The following MPPE1 variants were observed in gnomAD, a reference collection of about 807,000 sequenced individuals.
The protein encoded by MPPE1 is metallo phosphoesterase.
Under a neutral mutation model 43.8 loss-of-function variants are expected in MPPE1, and 28 were observed. That is an observed-to-expected ratio of 0.64 (90% CI 0.47 to 0.88). The LOEUF is 0.88. Among genes scored for constraint, MPPE1 ranks in the 40% least tolerant of loss-of-function variants. The pLI is 0.00. For missense variants in MPPE1, 428 were observed against 492.2 expected, an observed-to-expected ratio of 0.87 and a Z score of 1.23; for synonymous variants, 159 against 188.5, an observed-to-expected ratio of 0.84 and a Z score of 1.28.
rs34314512 is a variant in MPPE1 at position 11,886,304 on chromosome 18, GA to G, written c.867+194del. 0.084 allele frequency: 40,599 copies of G among 480,566 alleles called. 1 individual carries two copies. Among genetic ancestry groups the G allele is most frequent in the South Asian group, 0.12 (3,951 of 31,968 alleles). The allele number at this position is 480,566 out of a possible 1,614,324, so 29.8% of individuals were successfully genotyped here. On this transcript the variant is annotated intron_variant, in intron 9 of 10. Coordinates refer to ENST00000588072, the MANE Select transcript of MPPE1 (RefSeq NM_023075.6). This position sits in a 1 kb window ranked among gnomAD's most constrained non-coding sequence, Gnocchi z 4.1. ...GTAGGAAACAGAAGTAGGTTTACTG[GA>G]AAAAAAAAAAGCGATTAAATGAAAA... is the stretch of plus-strand genomic sequence containing the variant.
rs1392476399 is a variant in MPPE1 at position 11,884,612 on chromosome 18, T to C, written c.1024A>G (p.Thr342Ala). The change falls in exon 11 of 11, where the codon ACA becomes GCA. Residue 342 changes from threonine (T) to alanine (A), a missense_variant. Physicochemically the swap from Thr to Ala is moderately conservative, Grantham distance 58 (BLOSUM62 0). Coordinates refer to ENST00000588072, the MANE Select transcript of MPPE1 (RefSeq NM_023075.6). ...TAGCACTTGGAGAGGGTGTAGTCTGTGGGCGTGATGCTACCCTGGAAAGGA... is the reference window on the plus strand; with the variant it reads ...TAGCACTTGGAGAGGGTGTAGTCTGCGGGCGTGATGCTACCCTGGAAAGGA... ...PSFIMGSITP[T>A]DYTLSKCYLP... The C allele has an allele frequency of 6.2e-7, 1 of 1,613,448 alleles. No individual in the cohort carries two copies. The highest frequency in any genetic ancestry group is 1.1e-5 in the South Asian group (1 of 91,064).
In MPPE1 at chr18:11,884,424, ATT is replaced by A; in HGVS notation, c.*19_*20del. ...AAAGTTCCATTTCTTGGGCTTTGAT[ATT>A]TATAATGGCGCCTGCTCTTCATCTT... On this transcript the variant is annotated 3_prime_UTR_variant, in exon 11 of 11. Coordinates refer to ENST00000588072, the MANE Select transcript of MPPE1 (RefSeq NM_023075.6). 6.2e-7 allele frequency: 1 copy of A among 1,607,956 alleles called. No homozygotes were observed. The highest frequency in any genetic ancestry group is 8.5e-7 in the Non-Finnish European group (1 of 1,175,900).
At chr18:11,888,389 C>T (rs1008956834) in intron 6 of MPPE1, among the ~76,000 whole-genome samples, 9 of 152,146 alleles carry the variant, frequency 5.9e-5, no homozygotes, top group Non-Finnish European at 1.2e-4. Context: ...AGAGACAGTG[C>T]AGACAGAAAG....
At chr18:11,895,776 G>C (rs76471311) in intron 3 of MPPE1, among the ~76,000 whole-genome samples, 7,670 of 152,128 alleles carry the variant, frequency 0.05, 356 homozygotes, top group African/African-American at 0.13. Context: ...CGTTGCCCAG[G>C]CTGGTCTCAA....
rs1469334125 is a variant in MPPE1, at chr18:11,886,936, C to G, written c.659G>C (p.Arg220Thr). ...TEAELIEVSHRLNCSREARGS... is the reference protein window; with the variant it reads ...TEAELIEVSHTLNCSREARGS... The stretch of plus-strand genomic sequence containing the variant: ...TCCTACCTCTCGGGAGCAGTTCAGT[C>G]TGTGAGAAACTTCAATGAGCTCTGC... Residue 220 changes from arginine to threonine, a missense_variant, in exon 7 of 11, where the codon AGA (arginine) becomes ACA (threonine). By Grantham distance (71) the Arg-to-Thr change is moderately conservative. Around this residue, in one of 3 missense-constraint regions of MPPE1, gnomAD observed 379 missense variants for 402.5 expected, o/e 0.94. Transcript: ENST00000588072. The surrounding 1 kb of genome is among the most constrained non-coding windows in gnomAD (Gnocchi z 4.1). 19 of 1,613,476 alleles carry G rather than the reference C, an allele frequency of 1.2e-5. No individual in the cohort carries two copies. Among genetic ancestry groups the G allele is most frequent in the Non-Finnish European group, 1.6e-5 (19 of 1,179,706 alleles).
chr18:11,900,996 G>A (rs958356428), intron 2 of MPPE1, among the ~76,000 whole-genome samples: 70 of 151,728 alleles, frequency 4.6e-4, no homozygotes, highest in African/African-American at 1.3e-3. Flanking sequence ...AAAACCTAAC[G>A]GAAAAATTGG....
Position 11,890,164 on chromosome 18 carries a change from G to C in MPPE1, c.391-674C>G, listed in dbSNP as rs565308555. On this transcript the variant is annotated intron_variant, in intron 4 of 10. Coordinates refer to ENST00000588072, the MANE Select transcript of MPPE1 (RefSeq NM_023075.6). ...TCACTGTGTTAGCCAGGATGGTCGCGATCTCCTGACCTCATGATCCGCCCG... is the reference window on the plus strand; with the variant it reads ...TCACTGTGTTAGCCAGGATGGTCGCCATCTCCTGACCTCATGATCCGCCCG... Among the ~76,000 whole-genome samples, 129 of 151,444 alleles carry C rather than the reference G, an allele frequency of 8.5e-4. 2 individuals are homozygous for C. Among genetic ancestry groups the C allele is most frequent in the Middle Eastern group, 3.4e-3 (1 of 290 alleles).
chr18:11,892,301 C>A (rs557319803), intron 4 of MPPE1, among the ~76,000 whole-genome samples: 407 of 150,460 alleles, frequency 2.7e-3, no homozygotes, highest in African/African-American at 9.3e-3. Flanking sequence ...AATCACACCA[C>A]TGCACTGCAG....
At chr18:11,893,394 G>A (rs1332319447) in intron 4 of MPPE1, 74 bp downstream of exon 4, 1 of 1,037,938 alleles carries the variant, frequency 9.6e-7, no homozygotes, top group Non-Finnish European at 1.5e-6. Flanking sequence ...AGCTGACACT[G>A]ATTCGTGGAT....
At chr18:11,908,171 ATGT>A (rs778474600) in intron 1 of MPPE1, 27 bp downstream of exon 1, 5 of 152,228 alleles carry the variant, frequency 3.3e-5, no homozygotes, top group South Asian at 2.1e-4. Context: ...AGAAGTTTAA[ATGT>A]TGTCACACGG....
intron 3 of MPPE1, among the ~76,000 whole-genome samples, chr18:11,895,972 G>C (rs1567956141): frequency 6.6e-6 from 1 of 151,950 alleles, no homozygotes; most frequent in Non-Finnish European, 1.5e-5. Flanking sequence ...CATCAATCAG[G>C]ATCAATTTGT....
Position 11,884,274 on chromosome 18 carries a change from G to A in MPPE1, c.*171C>T. 1 of 646,636 alleles carries A rather than the reference G, an allele frequency of 1.5e-6. No individual in the cohort carries two copies. The highest frequency in any genetic ancestry group is 2.7e-6 in the Non-Finnish European group (1 of 372,784). 40.1% of individuals were successfully genotyped at this position (646,636 alleles called of 1,614,324 possible). A position where few individuals can be genotyped will look rare whatever the true frequency, so the allele number is the denominator to read the frequency against. ...GTACCTGTCCACTTTTATAGCATGAGAACAGTACAATCAACTATTTATTTT... is the reference window on the plus strand; with the variant it reads ...GTACCTGTCCACTTTTATAGCATGAAAACAGTACAATCAACTATTTATTTT... On this transcript the variant is annotated 3_prime_UTR_variant, in exon 11 of 11. Coordinates refer to ENST00000588072, the MANE Select transcript of MPPE1 (RefSeq NM_023075.6).
At position 11,886,455 on chromosome 18, in the gene MPPE1, A is replaced by T. The variant is rs2037263098; in HGVS notation, c.867+44T>A. 1.2e-6 allele frequency: 2 copies of T among 1,613,744 alleles called. No homozygotes were observed. The highest frequency in any genetic ancestry group is 2.2e-5 in the East Asian group (1 of 44,880). On this transcript the variant is annotated intron_variant, in intron 9 of 10. Coordinates refer to ENST00000588072, the MANE Select transcript of MPPE1 (RefSeq NM_023075.6). This position sits in a 1 kb window ranked among gnomAD's most constrained non-coding sequence, Gnocchi z 4.1. ...GCTTGTTGACATGCAAGGTGATGAG[A>T]GTCACACTGTGACATGAATTAGCAT...
chr18:11,893,344 T>C (rs2038215127), intron 4 of MPPE1, 124 bp downstream of exon 4: 1 of 626,730 alleles, frequency 1.6e-6, no homozygotes, highest in Admixed American at 2.9e-5. Context: ...GCATTTTTAA[T>C]ATCAGTAGTA....
At chr18:11,901,205 A>G (rs1038730032) in intron 2 of MPPE1, among the ~76,000 whole-genome samples, 2 of 151,934 alleles carry the variant, frequency 1.3e-5, no homozygotes, top group African/African-American at 4.8e-5. Flanking sequence ...GGCATTACCT[A>G]TATTAACTCT....
chr18:11,886,615 G>T lies in MPPE1; in HGVS notation c.751C>A (p.Pro251Thr), dbSNP rs1484762085. The T allele has an allele frequency of 6.2e-7, 1 of 1,614,078 alleles. No individual in the cohort carries two copies. Among genetic ancestry groups the T allele is most frequent in the Non-Finnish European group, 8.5e-7 (1 of 1,180,052 alleles). Residue 251 changes from proline (P) to threonine (T), a missense_variant, in exon 9 of 11, where the codon CCT becomes ACT. Physicochemically the swap from Pro to Thr is conservative, Grantham distance 38. Coordinates refer to ENST00000588072, the MANE Select transcript of MPPE1 (RefSeq NM_023075.6). The surrounding 1 kb of genome is among the most constrained non-coding windows in gnomAD (Gnocchi z 4.1). ...TTAGCATCACTTCTCCGATACAGAGGATAATGCTGTCCGGGGTGGAGAGAG... is the reference window on the plus strand; with the variant it reads ...TTAGCATCACTTCTCCGATACAGAGTATAATGCTGTCCGGGGTGGAGAGAG... ...TSAPVLLQHY[P>T]LYRRSDANCS...
intron 6 of MPPE1, among the ~76,000 whole-genome samples, chr18:11,888,045 C>T (rs2037537607): frequency 6.6e-6 from 1 of 152,158 alleles, no homozygotes; most frequent in South Asian, 2.1e-4. Flanking sequence ...TTTTCTCCAC[C>T]GCGTCTATAA....
Position 11,884,549 on chromosome 18 carries a change from C to T in MPPE1, c.1087G>A (p.Gly363Arg). 6.2e-7 allele frequency: 1 copy of T among 1,614,058 alleles called. No individual in the cohort carries two copies. Among genetic ancestry groups the T allele is most frequent in the South Asian group, 1.1e-5 (1 of 91,082 alleles). Residue 363 changes from glycine to arginine, a missense_variant, in exon 11 of 11, where the codon GGA becomes AGA. Coordinates refer to ENST00000588072, the MANE Select transcript of MPPE1 (RefSeq NM_023075.6). ...AGGACCACAAGGAAGCCCACCACTC[C>T]ACAGTAGATGATCAAAACCACATCC... ...REDVVLIIYC[G>R]VVGFLVVLTL...
In MPPE1 at chr18:11,886,584, G is replaced by T. The variant is rs1246400322; in HGVS notation, c.782C>A (p.Ser261Tyr). Reference protein sequence around the residue: ...PLYRRSDANCSGEDAAPAEER... With the variant: ...PLYRRSDANCYGEDAAPAEER... ...CTCTGCAGGAGCAGCGTCTTCCCCA[G>T]AACAGTTAGCATCACTTCTCCGATA... The change falls in exon 9 of 11, where the codon TCT (serine) becomes TAT (tyrosine). Residue 261 changes from serine to tyrosine, a missense_variant. Ser to Tyr is a moderately radical substitution (Grantham distance 144). This residue lies in a region of MPPE1 where 379 missense variants were observed against 402.5 expected (regional missense o/e 0.94). Coordinates refer to ENST00000588072, the MANE Select transcript of MPPE1 (RefSeq NM_023075.6). The surrounding 1 kb of genome is among the most constrained non-coding windows in gnomAD (Gnocchi z 4.1). The T allele has an allele frequency of 6.2e-7, 1 of 1,614,188 alleles. No homozygotes were observed. The highest frequency in any genetic ancestry group is 1.3e-5 in the African/African-American group (1 of 75,050).
Sources: gnomAD v4.1 joint callset for allele counts (sites outside exome capture counted in the v4.1 genomes callset) on GRCh38, gnomAD v4.1.1 for gene constraint, gnomAD v4.1.1 regional missense constraint, Gnocchi (gnomAD v3.1) non-coding constraint, MANE v1.5 for transcripts, NCBI Gene and HGNC (gene_info 2026-07-23, HGNC 2026-07-21) for gene names.